GRK7: variants seen among roughly 807,000 people sequenced by gnomAD.
GRK7 encodes rhodopsin kinase GRK7.
In GRK7, 24 loss-of-function variants were observed where a neutral mutation model predicts 34.1. The observed-to-expected ratio is 0.70, with a 90% CI of 0.51 to 0.99. The LOEUF (loss-of-function observed/expected upper bound fraction) is 0.99. Among genes scored for constraint, GRK7 ranks in the 50% least tolerant of loss-of-function variants. GRK7 has a pLI of 0.00. For missense variants in GRK7, 644 were observed against 707.3 expected (o/e 0.91, Z 1.02); for synonymous variants, 256 against 279.4 (o/e 0.92, Z 0.84).
chr3:141,807,979 G>A, intron 5 of GRK7, 60 bp downstream of exon 5: 1 of 1,418,372 alleles, frequency 7.1e-7, no homozygotes, highest in Non-Finnish European at 9.5e-7. Context: ...GGGATTAGGA[G>A]AATACTTTTG....
At chr3:141,796,285 T>C (rs1433058068) in intron 4 of GRK7, among the ~76,000 whole-genome samples, 1 of 152,176 alleles carries the variant, frequency 6.6e-6, no homozygotes, top group Non-Finnish European at 1.5e-5. Context: ...GCCCTGCACA[T>C]GATCTTACAC....
intron 4 of GRK7, among the ~76,000 whole-genome samples, chr3:141,800,009 A>C (rs1448822203): frequency 6.6e-6 from 1 of 152,174 alleles, no homozygotes; most frequent in South Asian, 2.1e-4. Context: ...CAAGCTCGCA[A>C]TAAATGTTGC....
chr3:141,810,642 G>A (rs958295710), intron 5 of GRK7, among the ~76,000 whole-genome samples: 4 of 152,018 alleles, frequency 2.6e-5, no homozygotes, highest in South Asian at 2.1e-4. Flanking sequence ...TTGGCCTCCC[G>A]AGTAGCTGGG....
Position 141,770,103 on chromosome 3 carries a change from C to T in GRK7, c.-215+4365C>T, listed in dbSNP as rs530386568. On this transcript the variant is annotated intron_variant, in intron 1 of 5. Coordinates refer to ENST00000682958, the MANE Select transcript of GRK7 (RefSeq NM_139209.3). ...CTAATTTTTGTATTTTTAGTAAAGA[C>T]GGGGTTTCACCACGTTGGCCAGGCT... is the stretch of plus-strand genomic sequence containing the variant. Among the ~76,000 whole-genome samples, 8 of 152,196 alleles carry T rather than the reference C, an allele frequency of 5.3e-5. No homozygotes were observed. The East Asian group carries it at 5.8e-4, about 11-fold the overall frequency.
rs1345509192 is a variant in GRK7, at chr3:141,778,859, C to G, written c.575C>G (p.Thr192Ser). The change falls in exon 3 of 6, where the codon ACT (threonine) becomes AGT (serine). Residue 192 changes from threonine (T) to serine (S), a missense_variant. Physicochemically the swap from Thr to Ser is moderately conservative, Grantham distance 58 (BLOSUM62 1). Coordinates refer to ENST00000682958, the MANE Select transcript of GRK7 (RefSeq NM_139209.3). This position sits in a 1 kb window ranked among gnomAD's most constrained non-coding sequence, Gnocchi z 4.1. ...EMQPVSDKYF[T>S]EFRVLGKGGF... ...CAACCAGTGTCAGACAAGTACTTCA[C>G]TGAGTTCAGAGTGCTGGGGAAAGGT... 3 of 1,612,342 alleles carry G rather than the reference C, an allele frequency of 1.9e-6. No individual in the cohort carries two copies. The highest frequency in any genetic ancestry group is 2.5e-6 in the Non-Finnish European group (3 of 1,179,234).
rs138570419 is a variant in GRK7 at position 141,765,787 on chromosome 3, G to T, written c.-215+49G>T. Among the ~76,000 whole-genome samples the T allele has an allele frequency of 2.4e-3, 369 of 152,258 alleles. 3 individuals carry two copies. The highest frequency in any genetic ancestry group is 7.6e-3 in the African/African-American group (314 of 41,554). On this transcript the variant is annotated intron_variant, in intron 1 of 5. Coordinates refer to ENST00000682958, the MANE Select transcript of GRK7 (RefSeq NM_139209.3). Reference sequence around the variant, plus strand: ...AATCAAAGCAAATCTGTATATTTGTGGGATAAGTGCATAGAATGAATAGAC... The same window carrying T: ...AATCAAAGCAAATCTGTATATTTGTTGGATAAGTGCATAGAATGAATAGAC...
rs1159012471 is a variant in GRK7 at position 141,765,110 on chromosome 3, A to G, written c.-843A>G. Among the ~76,000 whole-genome samples, 5 of 152,208 alleles carry G rather than the reference A, an allele frequency of 3.3e-5. No individual in the cohort carries two copies. Among genetic ancestry groups the G allele is most frequent in the Admixed American group, 3.3e-4 (5 of 15,268 alleles). ...TCAGAAGGAAAACCTAAGTTCTTGC[A>G]GTGATCAGTACTGCCTCACTGGTCT... On this transcript the variant is annotated 5_prime_UTR_variant, in exon 1 of 6. Transcript: ENST00000682958.
intron 4 of GRK7, among the ~76,000 whole-genome samples, chr3:141,786,728 A>G (rs1359562705): frequency 6.6e-6 from 1 of 152,004 alleles, no homozygotes; most frequent in Non-Finnish European, 1.5e-5. Context: ...CAGTAAGCCA[A>G]GATCACGCCA....
chr3:141,792,996 C>G (rs2084732264), intron 4 of GRK7, among the ~76,000 whole-genome samples: 1 of 152,194 alleles, frequency 6.6e-6, no homozygotes, highest in Admixed American at 6.5e-5. Context: ...TGAACAAGAA[C>G]ACATCCACGT....
rs1166860934 is a variant in GRK7, at chr3:141,818,031, AG to A, written c.*982del. The A allele has an allele frequency of 1.1e-4, 16 of 152,338 alleles. No homozygotes were observed. Among genetic ancestry groups the A allele is most frequent in the South Asian group, 2.1e-4 (1 of 4,828 alleles). 9.4% of individuals were successfully genotyped at this position (152,338 alleles called of 1,614,324 possible). On this transcript the variant is annotated 3_prime_UTR_variant, in exon 6 of 6. Coordinates refer to ENST00000682958, the MANE Select transcript of GRK7 (RefSeq NM_139209.3). ...ATGGCAACTTTTCAAATGTCCCCAAAGCATGTCATTTTAGTAATTGCAGTAT... is the reference window on the plus strand; with the variant it reads ...ATGGCAACTTTTCAAATGTCCCCAAACATGTCATTTTAGTAATTGCAGTAT...
At position 141,778,535 on chromosome 3, in the gene GRK7, C is replaced by A. The variant is rs149923467; in HGVS notation, c.251C>A (p.Ala84Glu). The A allele has an allele frequency of 1.2e-5, 19 of 1,613,270 alleles. No individual in the cohort carries two copies. In the African/African-American group the frequency reaches 2.4e-4, roughly 20 times the overall value. ...ACAGTGCCCACGTTCCGCAAGGCGG[C>A]AACCTTCCTAGAGGACGTGCAGAAC... ...LATVPTFRKAATFLEDVQNWE... is the reference protein window; with the variant it reads ...LATVPTFRKAETFLEDVQNWE... Residue 84 changes from alanine (A) to glutamate (E), a missense_variant, in exon 3 of 6, where the codon GCA becomes GAA. Coordinates refer to ENST00000682958, the MANE Select transcript of GRK7 (RefSeq NM_139209.3). The surrounding 1 kb of genome is among the most constrained non-coding windows in gnomAD (Gnocchi z 4.1).
intron 5 of GRK7, among the ~76,000 whole-genome samples, chr3:141,815,376 C>T (rs1396746660): frequency 2.0e-5 from 3 of 151,998 alleles, no homozygotes; most frequent in Non-Finnish European, 4.4e-5. Context: ...TTGTTGTCCA[C>T]TTGTATGTGG....
At chr3:141,760,119 A>G (rs2084548644), upstream of GRK7, among the ~76,000 whole-genome samples, 1 of 151,680 alleles carries the variant, frequency 6.6e-6, no homozygotes, top group Non-Finnish European at 1.5e-5. Context: ...TCCTGGATTC[A>G]TTGATTTTTT....
At chr3:141,757,373 A>C in the GRK7 span, among the ~76,000 whole-genome samples, 1 of 134,208 alleles carries the variant, frequency 7.5e-6, no homozygotes. Context: ...CTCATTGTTC[A>C]ATTCCCACCT....
chr3:141,778,671 C>T lies in GRK7; in HGVS notation c.387C>T (p.Ala129=), dbSNP rs778988214. The T allele has an allele frequency of 5.7e-5, 92 of 1,613,466 alleles. 2 individuals are homozygous for T. Among genetic ancestry groups the T allele is most frequent in the Admixed American group, 1.7e-5 (1 of 59,922 alleles). Residue 129 remains alanine (A), a synonymous_variant, in exon 3 of 6, where the codon GCC becomes GCT. Coordinates refer to ENST00000682958, the MANE Select transcript of GRK7 (RefSeq NM_139209.3). This position sits in a 1 kb window ranked among gnomAD's most constrained non-coding sequence, Gnocchi z 4.1. ...ACCCGCAACCCTTCCTCAGCCAGGCCGTGGCCACCAAGTGCCAAGCAGCCA... is the reference window on the plus strand; with the variant it reads ...ACCCGCAACCCTTCCTCAGCCAGGCTGTGGCCACCAAGTGCCAAGCAGCCA... ...PGNPQPFLSQ[A]VATKCQAATT...
At chr3:141,769,987 C>G (rs2084609744) in intron 1 of GRK7, among the ~76,000 whole-genome samples, 1 of 152,116 alleles carries the variant, frequency 6.6e-6, no homozygotes, top group African/African-American at 2.4e-5. Flanking sequence ...CAATCTCGGC[C>G]CACTGCAACC....
intron 4 of GRK7, among the ~76,000 whole-genome samples, chr3:141,788,037 A>T (rs1477218164): frequency 6.6e-6 from 1 of 152,096 alleles, no homozygotes; most frequent in African/African-American, 2.4e-5. Flanking sequence ...AAAAAACGAG[A>T]ACAAAAACAA....
intron 4 of GRK7, among the ~76,000 whole-genome samples, chr3:141,792,403 C>CAAAAA (rs112448886): frequency 1.2e-5 from 1 of 84,612 alleles, no homozygotes; most frequent in African/African-American, 3.6e-5. Context: ...GATTTTGTCT[C>CAAAAA]AAAAAAAAAA....
In GRK7 at chr3:141,778,840, G is replaced by GT; in HGVS notation, c.557dup (p.Ser187ValfsTer7). 1.9e-6 allele frequency: 3 copies of GT among 1,612,612 alleles called. No individual in the cohort carries two copies. The East Asian group carries it at 6.7e-5, about 36-fold the overall frequency. ...GTGGAAACTCTTCGAGATGCAACCA[G>GT]TGTCAGACAAGTACTTCACTGAGTT... is the stretch of plus-strand genomic sequence containing the variant. On this transcript the variant is annotated frameshift_variant, in exon 3 of 6. Coordinates refer to ENST00000682958, the MANE Select transcript of GRK7 (RefSeq NM_139209.3). LOFTEE classifies it high-confidence loss of function. This position sits in a 1 kb window ranked among gnomAD's most constrained non-coding sequence, Gnocchi z 4.1.
Sources: allele counts gnomAD v4.1 joint callset (sites outside exome capture counted in the v4.1 genomes callset), GRCh38; gene constraint gnomAD v4.1.1; non-coding constraint Gnocchi (gnomAD v3.1); transcripts MANE v1.5; gene names NCBI Gene and HGNC (gene_info 2026-07-23, HGNC 2026-07-21).